The following SHOC1 variants were observed in gnomAD, a reference collection of about 807,000 sequenced individuals.
The protein encoded by SHOC1 is shortage in chiasmata 1, also known as protein shortage in chiasmata 1 ortholog.
A neutral mutation model predicts 179.2 loss-of-function variants in SHOC1; 136 were observed. The ratio of observed to expected loss-of-function variants is 0.76; its 90% CI spans 0.66 to 0.87. The LOEUF is 0.87. Among genes scored for constraint, SHOC1 ranks in the 40% least tolerant of loss-of-function variants. The probability of loss-of-function intolerance (pLI) is 0.00; values close to 1 mark genes in which losing one functional copy is unlikely to be tolerated. For missense variants in SHOC1, 1,538 were observed against 1,700.8 expected (o/e 0.90, Z 1.68); for synonymous variants, 489 against 586.6 (o/e 0.83, Z 2.41).
At chr9:111,718,143 T>G (rs1396363855) in intron 16 of SHOC1, 41 bp downstream of exon 16, 1 of 1,381,058 alleles carries the variant, frequency 7.2e-7, no homozygotes, top group South Asian at 1.3e-5. Context: ...GATGAAATAT[T>G]TAATAGGAAG....
At chr9:111,768,588 T>C (rs1835445471) in intron 5 of SHOC1, among the ~76,000 whole-genome samples, 1 of 152,222 alleles carries the variant, frequency 6.6e-6, no homozygotes, top group Non-Finnish European at 1.5e-5. Flanking sequence ...GTGGAGTCTT[T>C]GGGTTTTTTA....
At chr9:111,702,262 G>A (rs755382441) in intron 22 of SHOC1, 36 bp from the exon 23 acceptor site, 1 of 1,246,594 alleles carries the variant, frequency 8.0e-7, no homozygotes, top group Non-Finnish European at 1.2e-6. Context: ...AAATTCATTA[G>A]GTTGAACAGT....
intron 18 of SHOC1, among the ~76,000 whole-genome samples, chr9:111,712,533 G>A (rs965858896): frequency 1.3e-5 from 2 of 152,156 alleles, no homozygotes; most frequent in Non-Finnish European, 2.9e-5. Context: ...TTAACACAAA[G>A]GAGATGAAGA....
chr9:111,756,284 A>C lies in SHOC1; in HGVS notation c.862+41T>G, dbSNP rs767594358. 1.7e-5 allele frequency: 25 copies of C among 1,492,036 alleles called. 1 individual carries two copies. In the South Asian group the frequency reaches 2.3e-4, roughly 14 times the overall value. 92.4% of individuals were successfully genotyped at this position (1,492,036 alleles called of 1,614,324 possible). ...AGAACCTATGTAACAAACATTCTTA[A>C]GTGGTTTTTACAAGTAATACATTTT... On this transcript the variant is annotated intron_variant, in intron 8 of 27. Coordinates refer to ENST00000682961, the MANE Select transcript of SHOC1 (RefSeq NM_001378211.1).
intron 12 of SHOC1, among the ~76,000 whole-genome samples, chr9:111,732,588 A>G (rs1024529325): frequency 6.6e-6 from 1 of 152,220 alleles, no homozygotes; most frequent in Non-Finnish European, 1.5e-5. Flanking sequence ...TAAATGAACT[A>G]GTGATACACA....
chr9:111,706,733 C>T lies in SHOC1; in HGVS notation c.2572G>A (p.Val858Ile), dbSNP rs1287744165. The change falls in exon 20 of 28, where the codon GTA (valine) becomes ATA (isoleucine). Residue 858 changes from valine to isoleucine, a missense_variant. Transcript: ENST00000682961. Reference protein sequence around the residue: ...EGVLRGTSSCVVVHNQYIGAD... With the variant: ...EGVLRGTSSCIVVHNQYIGAD... ...CCAATATATTGATTATGTACAACTA[C>T]ACAGGAACTTGTACTAAAGACAAAA... 28 of 1,591,242 alleles carry T rather than the reference C, an allele frequency of 1.8e-5. No individual in the cohort carries two copies. The highest frequency in any genetic ancestry group is 2.4e-5 in the Non-Finnish European group (28 of 1,170,200).
At chr9:111,737,700 A>C (rs1042914407) in intron 12 of SHOC1, among the ~76,000 whole-genome samples, 12 of 132,264 alleles carry the variant, frequency 9.1e-5, no homozygotes, top group Middle Eastern at 3.7e-3. Flanking sequence ...CCCCCCCCCC[A>C]CACACAAAAT....
chr9:111,789,841 A>G (rs1564173378), intron 2 of SHOC1, among the ~76,000 whole-genome samples: 3 of 152,218 alleles, frequency 2.0e-5, no homozygotes, highest in Non-Finnish European at 4.4e-5. Flanking sequence ...GATTCCTACC[A>G]TGGATATCTT....
chr9:111,753,869 G>A (rs551403422), intron 8 of SHOC1, among the ~76,000 whole-genome samples: 1 of 152,254 alleles, frequency 6.6e-6, no homozygotes, highest in African/African-American at 2.4e-5. Flanking sequence ...GAGAATAGAA[G>A]AGTGGTTACC....
At chr9:111,696,802 A>G (rs1417041032) in intron 24 of SHOC1, among the ~76,000 whole-genome samples, 1 of 152,248 alleles carries the variant, frequency 6.6e-6, no homozygotes, top group African/African-American at 2.4e-5. Flanking sequence ...AAGAAGCTAA[A>G]TAAGTGGTAA....
intron 19 of SHOC1, among the ~76,000 whole-genome samples, chr9:111,707,001 C>T (rs1443885812): frequency 1.3e-5 from 2 of 152,034 alleles, no homozygotes; most frequent in African/African-American, 2.4e-5. Context: ...AAATGGGAGA[C>T]AGCCTGATTT....
chr9:111,747,306 T>C (rs1222300970), intron 9 of SHOC1, among the ~76,000 whole-genome samples: 1 of 152,102 alleles, frequency 6.6e-6, no homozygotes, highest in Non-Finnish European at 1.5e-5. Context: ...TACTTTGGCA[T>C]TGTACTGGAA....
chr9:111,738,568 C>A, intron 11 of SHOC1, 46 bp from the exon 12 acceptor site: 1 of 1,443,388 alleles, frequency 6.9e-7, no homozygotes, highest in Admixed American at 2.8e-5. Flanking sequence ...GTCTACAAAG[C>A]AAAAGAAACA....
chr9:111,702,058 G>C (rs1477712868), intron 23 of SHOC1, 47 bp downstream of exon 23: 1 of 1,353,266 alleles, frequency 7.4e-7, no homozygotes, highest in Admixed American at 2.3e-5. Context: ...GAGGACTTAG[G>C]ATTAAGAAAT....
At position 111,791,370 on chromosome 9, in the gene SHOC1, C is replaced by G; in HGVS notation, c.45+4G>C. 2 of 1,452,724 alleles carry G rather than the reference C, an allele frequency of 1.4e-6. No homozygotes were observed. Among genetic ancestry groups the G allele is most frequent in the East Asian group, 5.5e-5 (2 of 36,694 alleles). The allele number at this position is 1,452,724 out of a possible 1,614,324, so 90.0% of individuals were successfully genotyped here. On this transcript the variant is annotated splice_donor_region_variant and intron_variant, in intron 2 of 27. Transcript: ENST00000682961. The stretch of plus-strand genomic sequence containing the variant: ...AAATAGACAGTAAGCCACTAACACT[C>G]TACCTCATATAAATAGTCTATTGCA...
At chr9:111,718,079 AG>A (rs1832875042) in intron 16 of SHOC1, 104 bp downstream of exon 16, 1 of 692,582 alleles carries the variant, frequency 1.4e-6, no homozygotes, top group African/African-American at 1.9e-5. Flanking sequence ...ATAGAAAAGA[AG>A]GCTACATCAT....
intron 4 of SHOC1, among the ~76,000 whole-genome samples, chr9:111,777,025 G>A (rs921493706): frequency 2.6e-5 from 4 of 152,144 alleles, no homozygotes; most frequent in Admixed American, 2.6e-4. Context: ...TTGGGAAGTG[G>A]GGAGTGCTGA....
chr9:111,731,845 TATG>T (rs777742984), intron 12 of SHOC1, among the ~76,000 whole-genome samples: 7 of 152,140 alleles, frequency 4.6e-5, no homozygotes, highest in Non-Finnish European at 1.0e-4. Flanking sequence ...TCTAATAAAT[TATG>T]ATAATTCTAA....
intron 5 of SHOC1, among the ~76,000 whole-genome samples, chr9:111,774,976 G>A (rs1386579183): frequency 1.3e-5 from 2 of 151,908 alleles, no homozygotes; most frequent in Non-Finnish European, 2.9e-5. Context: ...TTGGAATCCA[G>A]TTTGAATAAA....
Sources: allele counts gnomAD v4.1 joint callset (sites outside exome capture counted in the v4.1 genomes callset), GRCh38; gene constraint gnomAD v4.1.1; transcripts MANE v1.5; gene names NCBI Gene and HGNC (gene_info 2026-07-23, HGNC 2026-07-21).